Variants in DENND1B observed in about 807,000 individuals in gnomAD.
The protein encoded by DENND1B is DENN domain containing 1B.
In DENND1B, 59 loss-of-function variants were observed where a neutral mutation model predicts 90.1. The observed-to-expected ratio is 0.65, with a 90% CI of 0.53 to 0.81. DENND1B has a LOEUF of 0.81. DENND1B is among the 40% of genes least tolerant of loss of function. The pLI, the probability that DENND1B is intolerant of heterozygous loss-of-function variation, is 0.00. For missense variants in DENND1B, 862 were observed against 912.6 expected, an observed-to-expected ratio of 0.94 and a Z score of 0.71; for synonymous variants, 337 against 324.6, an observed-to-expected ratio of 1.04 and a Z score of -0.41.
chr1:197,514,917 T>C (rs576579236), intron 20 of DENND1B, among the ~76,000 whole-genome samples: 23 of 151,774 alleles, frequency 1.5e-4, no homozygotes, highest in Admixed American at 8.5e-4. Flanking sequence ...TTTCTGTAGA[T>C]GGGAAATGGC....
chr1:197,780,738 C>A, the DENND1B span, among the ~76,000 whole-genome samples: 129,912 of 152,178 alleles, frequency 0.85, 55,863 homozygotes, highest in African/African-American at 0.96. Flanking sequence ...GATTTTCATG[C>A]AAGTTTTGAT....
intron 20 of DENND1B, among the ~76,000 whole-genome samples, chr1:197,517,573 A>G (rs561750575): frequency 1.7e-4 from 26 of 152,004 alleles, no homozygotes; most frequent in Middle Eastern, 3.4e-3. Context: ...TGCCTACCCC[A>G]TATTGAGTCT....
intron 10 of DENND1B, among the ~76,000 whole-genome samples, chr1:197,628,192 A>G (rs535750668): frequency 1.3e-5 from 2 of 152,242 alleles, no homozygotes; most frequent in African/African-American, 4.8e-5. Context: ...GTTCATATAG[A>G]ACCAAAAAAG....
chr1:197,682,896 A>G (rs1466984988), intron 3 of DENND1B, among the ~76,000 whole-genome samples: 1 of 152,224 alleles, frequency 6.6e-6, no homozygotes, highest in Admixed American at 6.5e-5. Flanking sequence ...TGGACTTAAT[A>G]CAAAGGGTAA....
At chr1:197,650,841 T>C (rs1572194391) in intron 7 of DENND1B, among the ~76,000 whole-genome samples, 1 of 152,074 alleles carries the variant, frequency 6.6e-6, no homozygotes, top group South Asian at 2.1e-4. Flanking sequence ...ATAAGAATGA[T>C]ATAATGGACT....
intron 2 of DENND1B, among the ~76,000 whole-genome samples, chr1:197,765,038 T>C (rs1466240781): frequency 1.3e-5 from 2 of 152,202 alleles, no homozygotes; most frequent in Admixed American, 6.5e-5. Flanking sequence ...TTATACTAAG[T>C]GCTCTTTAAG....
chr1:197,627,201 C>G, intron 10 of DENND1B, among the ~76,000 whole-genome samples: 1 of 152,006 alleles, frequency 6.6e-6, no homozygotes, highest in African/African-American at 2.4e-5. Flanking sequence ...ATCCTGATAC[C>G]AAAGCCGGGC....
chr1:197,510,299 CA>C lies in DENND1B; in HGVS notation c.*160del, dbSNP rs1431157761. The C allele has an allele frequency of 5.2e-6, 4 of 772,378 alleles. No individual in the cohort carries two copies. In the East Asian group the frequency reaches 1.1e-4, roughly 22 times the overall value. The allele number at this position is 772,378 out of a possible 1,614,324, so 47.8% of individuals were successfully genotyped here. A position where few individuals can be genotyped will look rare whatever the true frequency, so the allele number is the denominator to read the frequency against. On this transcript the variant is annotated 3_prime_UTR_variant, in exon 23 of 23. Coordinates refer to ENST00000620048, the MANE Select transcript of DENND1B (RefSeq NM_001195215.2). ...TAGAATTCGCTTTATATTTAAAAAT[CA>C]ATGCATTTCATATATCCTCGAAATG... is the stretch of plus-strand genomic sequence containing the variant.
intron 10 of DENND1B, among the ~76,000 whole-genome samples, chr1:197,625,139 A>G (rs1022316623): frequency 6.6e-6 from 1 of 152,016 alleles, no homozygotes; most frequent in African/African-American, 2.4e-5. Flanking sequence ...GCAGGCCAAC[A>G]TTCAGATTCA....
chr1:197,562,004 C>T (rs1010160942), intron 15 of DENND1B, among the ~76,000 whole-genome samples: 18 of 151,754 alleles, frequency 1.2e-4, no homozygotes, highest in Non-Finnish European at 1.8e-4. Flanking sequence ...CACAGGATAC[C>T]GCTGAAGTGA....
chr1:197,574,178 C>T (rs1673436809), intron 15 of DENND1B, among the ~76,000 whole-genome samples: 1 of 152,096 alleles, frequency 6.6e-6, no homozygotes, highest in South Asian at 2.1e-4. Flanking sequence ...ACATGATTGT[C>T]TATTTAGAAA....
Position 197,510,965 on chromosome 1 carries a change from G to T in DENND1B, c.1823C>A (p.Ser608Tyr). Reference protein sequence around the residue: ...DDIDYKPTNKSNAPSENNLAF... With the variant: ...DDIDYKPTNKYNAPSENNLAF... ...CAGGTTATTCTCACTAGGAGCATTAGATTTATTCTGAAAAAAAGAAGAAAC... is the reference window on the plus strand; with the variant it reads ...CAGGTTATTCTCACTAGGAGCATTATATTTATTCTGAAAAAAAGAAGAAAC... The change falls in exon 23 of 23, where the codon TCT becomes TAT. Residue 608 changes from serine to tyrosine, a missense_variant. Coordinates refer to ENST00000620048, the MANE Select transcript of DENND1B (RefSeq NM_001195215.2). 1 of 1,490,198 alleles carries T rather than the reference G, an allele frequency of 6.7e-7. No homozygotes were observed. Among genetic ancestry groups the T allele is most frequent in the Non-Finnish European group, 8.9e-7 (1 of 1,119,860 alleles). 92.3% of individuals were successfully genotyped at this position (1,490,198 alleles called of 1,614,324 possible). A position where few individuals can be genotyped will look rare whatever the true frequency, so the allele number is the denominator to read the frequency against.
intron 12 of DENND1B, 63 bp from the exon 13 acceptor site, chr1:197,607,237 T>C (rs2125837777): frequency 8.8e-7 from 1 of 1,138,392 alleles, no homozygotes; most frequent in Non-Finnish European, 1.2e-6. Flanking sequence ...TTATGATGAG[T>C]TTGGAAACAG....
chr1:197,743,254 G>A (rs183340433), intron 2 of DENND1B, among the ~76,000 whole-genome samples: 1 of 152,242 alleles, frequency 6.6e-6, no homozygotes, highest in Admixed American at 6.5e-5. Context: ...GATATTGCAG[G>A]TTCAGTTCCA....
intron 3 of DENND1B, among the ~76,000 whole-genome samples, chr1:197,692,051 T>G (rs1001046454): frequency 6.6e-6 from 1 of 151,846 alleles, no homozygotes; most frequent in Non-Finnish European, 1.5e-5. Flanking sequence ...TACAACACTG[T>G]GCTTATAGTT....
At chr1:197,628,432 T>A (rs1436965691) in intron 10 of DENND1B, among the ~76,000 whole-genome samples, 1 of 152,156 alleles carries the variant, frequency 6.6e-6, no homozygotes, top group African/African-American at 2.4e-5. Context: ...GGGAAACGAT[T>A]CCCTATTTAA....
intron 14 of DENND1B, among the ~76,000 whole-genome samples, chr1:197,586,049 G>A (rs953643433): frequency 1.3e-5 from 2 of 152,150 alleles, no homozygotes; most frequent in Non-Finnish European, 2.9e-5. Context: ...GTTTTTCAAA[G>A]TGTGATCCAA....
chr1:197,669,390 C>T (rs1410358837), intron 5 of DENND1B, among the ~76,000 whole-genome samples: 1 of 152,094 alleles, frequency 6.6e-6, no homozygotes, highest in Non-Finnish European at 1.5e-5. Context: ...CTTATTGTAG[C>T]ACTTACAGAA....
chr1:197,739,210 G>C (rs1662991167), intron 2 of DENND1B, among the ~76,000 whole-genome samples: 1 of 152,170 alleles, frequency 6.6e-6, no homozygotes, highest in African/African-American at 2.4e-5. Context: ...AGTACTCAGA[G>C]GGTAACACCT....
Sources: allele counts gnomAD v4.1 joint callset (sites outside exome capture counted in the v4.1 genomes callset), GRCh38; gene constraint gnomAD v4.1.1; transcripts MANE v1.5; gene names NCBI Gene and HGNC (gene_info 2026-07-23, HGNC 2026-07-21).